TENM3: variants seen among roughly 807,000 people sequenced by gnomAD.
The protein encoded by TENM3 is teneurin-3.
In TENM3, 63 loss-of-function variants were observed where a neutral mutation model predicts 255.1. That is an observed-to-expected ratio of 0.25 (90% CI 0.20 to 0.30). The LOEUF (loss-of-function observed/expected upper bound fraction) is 0.30. Ranked by LOEUF, TENM3 falls within the 10% of genes least tolerant of loss-of-function variation. The pLI is 1.00. For synonymous variants in TENM3, 1,306 were observed against 1,322.3 expected (o/e 0.99, Z 0.27); for missense variants, 2,929 against 3,461.1 (o/e 0.85, Z 3.86).
intron 4 of TENM3, among the ~76,000 whole-genome samples, chr4:182,603,847 G>A (rs1353015711): frequency 6.7e-6 from 1 of 149,532 alleles, no homozygotes; most frequent in Non-Finnish European, 1.5e-5. Context: ...AAGGTTATAA[G>A]CTATGAAGTT....
chr4:182,309,712 A>G (rs1762329888), intron 1 of TENM3, among the ~76,000 whole-genome samples: 2 of 152,194 alleles, frequency 1.3e-5, no homozygotes. Context: ...CAAAATAGCA[A>G]TTTCGTAACA....
Position 182,681,816 on chromosome 4 carries a change from G to A in TENM3, c.1837G>A (p.Asp613Asn), listed in dbSNP as rs1211898720. The change falls in exon 11 of 28, where the codon GAC (aspartate) becomes AAC (asparagine). Residue 613 changes from aspartate to asparagine, a missense_variant and splice_region_variant. Physicochemically the swap from Asp to Asn is conservative, Grantham distance 23. Transcript: ENST00000511685. The stretch of plus-strand genomic sequence containing the variant: ...AATTGTTCTTTTCTTTACACCAGCT[G>A]ACTGTATAGACCCTGGGTGTTCTAA... ...GYKGESCEEA[D>N]CIDPGCSNHG... 3 of 1,609,718 alleles carry A rather than the reference G, an allele frequency of 1.9e-6. No individual in the cohort carries two copies. Among genetic ancestry groups the A allele is most frequent in the South Asian group, 2.2e-5 (2 of 90,488 alleles).
chr4:181,683,389 A>T, the TENM3 span, among the ~76,000 whole-genome samples: 1 of 152,162 alleles, frequency 6.6e-6, no homozygotes, highest in Non-Finnish European at 1.5e-5. Context: ...CTCCTAGATT[A>T]TGATGGGCCT....
At chr4:182,441,409 C>A (rs1314276690) in intron 3 of TENM3, among the ~76,000 whole-genome samples, 1 of 152,202 alleles carries the variant, frequency 6.6e-6, no homozygotes, top group Non-Finnish European at 1.5e-5. Context: ...TTTTAATCAG[C>A]AAGCAATTTT....
intron 2 of TENM3, among the ~76,000 whole-genome samples, chr4:182,328,473 C>T (rs1763553053): frequency 6.6e-6 from 1 of 152,150 alleles, no homozygotes; most frequent in African/African-American, 2.4e-5. Flanking sequence ...ACCTCGGCCT[C>T]CCAAAGTGCT....
chr4:181,538,634 C>G, the TENM3 span, among the ~76,000 whole-genome samples: 1 of 152,190 alleles, frequency 6.6e-6, no homozygotes, highest in South Asian at 2.1e-4. Flanking sequence ...GTCCAGAACT[C>G]CAGGAAGAAG....
the TENM3 span, among the ~76,000 whole-genome samples, chr4:181,646,691 C>T: frequency 3.3e-5 from 5 of 152,152 alleles, no homozygotes; most frequent in Non-Finnish European, 7.3e-5. Flanking sequence ...CCACAACAAG[C>T]GACAGTTGGG....
chr4:182,636,485 C>T (rs1167528937), intron 5 of TENM3, among the ~76,000 whole-genome samples: 1 of 151,876 alleles, frequency 6.6e-6, no homozygotes, highest in Admixed American at 6.6e-5. Flanking sequence ...ACCTGTAATC[C>T]CAGCACTTTG....
chr4:182,789,321 G>T lies in TENM3; in HGVS notation c.5533G>T (p.Gly1845Ter). 1 of 1,613,840 alleles carries T rather than the reference G, an allele frequency of 6.2e-7. No individual in the cohort carries two copies. Among genetic ancestry groups the T allele is most frequent in the Non-Finnish European group, 8.5e-7 (1 of 1,179,854 alleles). Reference sequence around the variant, plus strand: ...CACTAGCGAGAAAGTAGATTATGACGGACAGGGGAGGATCGTGTCTCGGGT... The same window carrying T: ...CACTAGCGAGAAAGTAGATTATGACTGACAGGGGAGGATCGTGTCTCGGGT... ...GTTSEKVDYD[G>*]QGRIVSRVFA... The change falls in exon 25 of 28, where the codon GGA becomes TGA. Residue 1845 changes from glycine to a stop codon, truncating the protein, a stop_gained. Coordinates refer to ENST00000511685, the MANE Select transcript of TENM3 (RefSeq NM_001080477.4). LOFTEE classifies it high-confidence loss of function. The surrounding 1 kb of genome is among the most constrained non-coding windows in gnomAD (Gnocchi z 4.4).
chr4:182,750,648 A>G (rs1390183342), intron 19 of TENM3, among the ~76,000 whole-genome samples: 2 of 152,192 alleles, frequency 1.3e-5, no homozygotes, highest in Admixed American at 6.5e-5. Context: ...TATTATAAAT[A>G]TTTTAGATGT....
At chr4:182,382,754 A>C (rs1271512142) in intron 3 of TENM3, among the ~76,000 whole-genome samples, 1 of 152,118 alleles carries the variant, frequency 6.6e-6, no homozygotes, top group Non-Finnish European at 1.5e-5. Flanking sequence ...ATAGGCCCCA[A>C]ATTCCTGTGA....
the TENM3 span, among the ~76,000 whole-genome samples, chr4:182,130,318 C>T: frequency 1.3e-5 from 2 of 152,072 alleles, no homozygotes; most frequent in African/African-American, 2.4e-5. Context: ...GGTATTGTCA[C>T]CAAAATTTGA....
rs532150206 is a variant in TENM3, at chr4:182,459,393, C to T, written c.511+112464C>T. On this transcript the variant is annotated intron_variant, in intron 3 of 27. Coordinates refer to ENST00000511685, the MANE Select transcript of TENM3 (RefSeq NM_001080477.4). ...GTGACAATACATTATAGCCCTTTCACGTGTCATGATTAAGGGCTGAACCAG... is the reference window on the plus strand; with the variant it reads ...GTGACAATACATTATAGCCCTTTCATGTGTCATGATTAAGGGCTGAACCAG... 2.9e-3 allele frequency among the ~76,000 whole-genome samples: 439 copies of T among 152,038 alleles called. 5 individuals carry two copies. Among genetic ancestry groups the T allele is most frequent in the South Asian group, 0.018 (86 of 4,798 alleles).
the TENM3 span, among the ~76,000 whole-genome samples, chr4:181,568,382 G>C: frequency 6.6e-6 from 1 of 151,986 alleles, no homozygotes; most frequent in South Asian, 2.1e-4. Flanking sequence ...AGTAGAGACA[G>C]GGTCTCACCA....
intron 6 of TENM3, among the ~76,000 whole-genome samples, chr4:182,670,064 G>T (rs1386546092): frequency 6.6e-6 from 1 of 152,104 alleles, no homozygotes; most frequent in East Asian, 1.9e-4. Context: ...AAAAATTTCT[G>T]AGTAAAGCAA....
At chr4:182,731,511 A>G (rs180833402) in intron 16 of TENM3, among the ~76,000 whole-genome samples, 108 of 152,244 alleles carry the variant, frequency 7.1e-4, no homozygotes, top group African/African-American at 2.5e-3. Flanking sequence ...CCCTGTCTCA[A>G]AAAAAGACAA....
chr4:181,543,157 A>G, the TENM3 span, among the ~76,000 whole-genome samples: 6 of 152,178 alleles, frequency 3.9e-5, no homozygotes, highest in Non-Finnish European at 8.8e-5. Flanking sequence ...GTCTTATAAA[A>G]TGTATTCCCA....
chr4:182,096,911 A>G, the TENM3 span, among the ~76,000 whole-genome samples: 1 of 152,256 alleles, frequency 6.6e-6, no homozygotes, highest in South Asian at 2.1e-4. Flanking sequence ...TATACATTAA[A>G]AAGAGACTTA....
intron 3 of TENM3, among the ~76,000 whole-genome samples, chr4:182,485,528 T>C (rs1190203208): frequency 1.3e-5 from 2 of 152,204 alleles, no homozygotes; most frequent in Non-Finnish European, 2.9e-5. Context: ...GTGACACATA[T>C]ATGCATACAT....
Sources: allele counts gnomAD v4.1 joint callset (sites outside exome capture counted in the v4.1 genomes callset), GRCh38; gene constraint gnomAD v4.1.1; non-coding constraint Gnocchi (gnomAD v3.1); transcripts MANE v1.5; gene names NCBI Gene and HGNC (gene_info 2026-07-23, HGNC 2026-07-21).